The following TENM3 variants were observed in gnomAD, a reference collection of about 807,000 sequenced individuals.
The protein encoded by TENM3 is teneurin transmembrane protein 3, also known as teneurin-3.
TENM3 carries 63 observed loss-of-function variants against 255.1 expected under a neutral mutation model. The ratio of observed to expected loss-of-function variants is 0.25; its 90% CI spans 0.20 to 0.30. The LOEUF (loss-of-function observed/expected upper bound fraction) is 0.30. Among genes scored for constraint, TENM3 ranks in the 10% least tolerant of loss-of-function variants. The pLI, the probability that TENM3 is intolerant of heterozygous loss-of-function variation, is 1.00. For synonymous variants in TENM3, 1,306 were observed against 1,322.3 expected (o/e 0.99, Z 0.27); for missense variants, 2,929 against 3,461.1 (o/e 0.85, Z 3.86).
At chr4:181,762,491 C>G in the TENM3 span, among the ~76,000 whole-genome samples, 1 of 152,148 alleles carries the variant, frequency 6.6e-6, no homozygotes, top group African/African-American at 2.4e-5. Flanking sequence ...GGTTTGAAGA[C>G]TCCATCATAG....
the TENM3 span, among the ~76,000 whole-genome samples, chr4:181,893,390 T>C: frequency 1.3e-4 from 20 of 152,098 alleles, no homozygotes; most frequent in African/African-American, 4.8e-4. Flanking sequence ...ATTTTTATTA[T>C]AATGTTAACA....
chr4:182,558,708 C>T (rs1287770500), intron 3 of TENM3, among the ~76,000 whole-genome samples: 2 of 152,126 alleles, frequency 1.3e-5, no homozygotes, highest in African/African-American at 2.4e-5. Flanking sequence ...AAGTATTTCT[C>T]CTAATGTAAA....
At chr4:182,071,299 A>G in the TENM3 span, among the ~76,000 whole-genome samples, 1 of 152,206 alleles carries the variant, frequency 6.6e-6, no homozygotes, top group Non-Finnish European at 1.5e-5. Flanking sequence ...CCAAATGTGA[A>G]CAATTATAAT....
At chr4:182,095,042 A>T in the TENM3 span, among the ~76,000 whole-genome samples, 1 of 152,158 alleles carries the variant, frequency 6.6e-6, no homozygotes. Flanking sequence ...GCTGTCAAGG[A>T]TGTGGAGAAA....
chr4:182,136,756 C>T, the TENM3 span, among the ~76,000 whole-genome samples: 2 of 152,150 alleles, frequency 1.3e-5, no homozygotes, highest in African/African-American at 4.8e-5. Flanking sequence ...CTTATACAAT[C>T]TACAATGCAA....
the TENM3 span, among the ~76,000 whole-genome samples, chr4:181,619,135 G>A: frequency 6.6e-6 from 1 of 152,150 alleles, no homozygotes; most frequent in Non-Finnish European, 1.5e-5. Context: ...GGGGCCGTGA[G>A]GAGATACTGT....
chr4:182,621,483 C>T (rs1005214276), intron 4 of TENM3, among the ~76,000 whole-genome samples: 1 of 134,562 alleles, frequency 7.4e-6, no homozygotes, highest in Non-Finnish European at 1.5e-5. Flanking sequence ...CAGTGGCTGG[C>T]CAGGCATGGT....
intron 3 of TENM3, among the ~76,000 whole-genome samples, chr4:182,457,677 C>A (rs1422561808): frequency 6.6e-6 from 1 of 151,718 alleles, no homozygotes; most frequent in African/African-American, 2.4e-5. Context: ...CTCACCTCAG[C>A]CTTGCCAATG....
At chr4:181,867,302 G>T in the TENM3 span, among the ~76,000 whole-genome samples, 1 of 152,032 alleles carries the variant, frequency 6.6e-6, no homozygotes, top group East Asian at 1.9e-4. Context: ...TCTGCAGCTT[G>T]GTCATTTTGT....
At chr4:182,716,983 T>G (rs1430309878) in intron 13 of TENM3, among the ~76,000 whole-genome samples, 7 of 152,172 alleles carry the variant, frequency 4.6e-5, no homozygotes, top group Non-Finnish European at 1.0e-4. Context: ...AAATAGCTAC[T>G]ATAGTTTGAG....
At chr4:181,864,649 G>C in the TENM3 span, among the ~76,000 whole-genome samples, 2 of 152,128 alleles carry the variant, frequency 1.3e-5, no homozygotes, top group African/African-American at 4.8e-5. Flanking sequence ...ATGGATCAGA[G>C]CCAAATAAAA....
Position 182,447,067 on chromosome 4 carries a change from T to A in TENM3, c.511+100138T>A, listed in dbSNP as rs116755394. On this transcript the variant is annotated intron_variant, in intron 3 of 27. Coordinates refer to ENST00000511685, the MANE Select transcript of TENM3 (RefSeq NM_001080477.4). The stretch of plus-strand genomic sequence containing the variant: ...GAGAAAGAATTTCAAAACCCTGAAA[T>A]AACTTCAAAATTTATACAGTGTCAA... Among the ~76,000 whole-genome samples, 1,166 of 152,302 alleles carry A rather than the reference T, an allele frequency of 7.7e-3. 17 individuals carry two copies. Among genetic ancestry groups the A allele is most frequent in the African/African-American group, 0.027 (1,119 of 41,574 alleles).
At chr4:182,255,632 T>C (rs1246312015) in intron 1 of TENM3, among the ~76,000 whole-genome samples, 2 of 152,148 alleles carry the variant, frequency 1.3e-5, no homozygotes, top group African/African-American at 4.8e-5. Flanking sequence ...CTCCTGGAGA[T>C]GGCAGTGTGT....
chr4:182,217,923 A>T (rs1284798238), intron 1 of TENM3, among the ~76,000 whole-genome samples: 2 of 152,248 alleles, frequency 1.3e-5, no homozygotes, highest in African/African-American at 2.4e-5. Context: ...AAGCCTATCA[A>T]TGGTGATAAA....
chr4:182,119,145 C>T, the TENM3 span, among the ~76,000 whole-genome samples: 4 of 152,098 alleles, frequency 2.6e-5, no homozygotes, highest in Non-Finnish European at 4.4e-5. Flanking sequence ...GAGTATTTCC[C>T]TCCCCCCAGG....
intron 3 of TENM3, among the ~76,000 whole-genome samples, chr4:182,387,981 C>T (rs906846098): frequency 2.0e-5 from 3 of 150,310 alleles, no homozygotes; most frequent in African/African-American, 7.3e-5. Flanking sequence ...GCCATTCAGT[C>T]TTGCTTTGGA....
the TENM3 span, among the ~76,000 whole-genome samples, chr4:181,951,327 A>G: frequency 6.6e-6 from 1 of 152,286 alleles, no homozygotes; most frequent in East Asian, 1.9e-4. Context: ...TCTCAAAATC[A>G]GAGTCGCAAA....
rs529640825 is a variant in TENM3, at chr4:182,714,752, C to A, written c.2368+519C>A. On this transcript the variant is annotated intron_variant, in intron 13 of 27. Coordinates refer to ENST00000511685, the MANE Select transcript of TENM3 (RefSeq NM_001080477.4). Reference sequence around the variant, plus strand: ...ATGGTGAGATTCCACCCAGTTGAAGCCCTTGGTTAAGAATAATTATTTTCA... The same window carrying A: ...ATGGTGAGATTCCACCCAGTTGAAGACCTTGGTTAAGAATAATTATTTTCA... Among the ~76,000 whole-genome samples the A allele has an allele frequency of 4.6e-5, 7 of 152,306 alleles. No individual in the cohort carries two copies. In the South Asian group the frequency reaches 1.4e-3, roughly 32 times the overall value.
the TENM3 span, among the ~76,000 whole-genome samples, chr4:181,542,684 C>T: frequency 0.045 from 6,872 of 152,272 alleles, 230 homozygotes; most frequent in South Asian, 0.15. Flanking sequence ...TTAACTGGCT[C>T]TGCCTAGATT....
Sources: allele counts gnomAD v4.1 joint callset (sites outside exome capture counted in the v4.1 genomes callset), GRCh38; gene constraint gnomAD v4.1.1; transcripts MANE v1.5; gene names NCBI Gene and HGNC (gene_info 2026-07-23, HGNC 2026-07-21).